SATB2: variants seen among roughly 807,000 people sequenced by gnomAD.
SATB2 encodes SATB homeobox 2.
Under a neutral mutation model 73.4 loss-of-function variants are expected in SATB2, and 1 was observed. The ratio of observed to expected loss-of-function variants is 0.01; its 90% confidence interval spans 0.00 to 0.06. SATB2 has a LOEUF of 0.06. SATB2 is among the 10% of genes least tolerant of loss of function. SATB2 has a pLI of 1.00. For missense variants in SATB2, 459 were observed against 945.8 expected, an observed-to-expected ratio of 0.49 and a Z score of 6.75; for synonymous variants, 397 against 367.0, an observed-to-expected ratio of 1.08 and a Z score of -0.93.
intron 4 of SATB2, among the ~76,000 whole-genome samples, chr2:199,380,761 A>G (rs1220856643): frequency 1.3e-5 from 2 of 152,190 alleles, no homozygotes; most frequent in African/African-American, 4.8e-5. Flanking sequence ...GATTTTTCCA[A>G]TGTGCTGGTG....
At chr2:199,447,562 T>G (rs1322505256) in intron 2 of SATB2, among the ~76,000 whole-genome samples, 1 of 152,000 alleles carries the variant, frequency 6.6e-6, no homozygotes, top group Non-Finnish European at 1.5e-5. Flanking sequence ...CTGACTTCCA[T>G]TTACAGAGAC....
At chr2:199,377,644 C>A (rs141964340) in intron 5 of SATB2, among the ~76,000 whole-genome samples, 29 of 152,190 alleles carry the variant, frequency 1.9e-4, no homozygotes, top group African/African-American at 6.0e-4. Flanking sequence ...ACAGTGTCAT[C>A]TTGATGGTCT....
At chr2:199,389,148 C>A (rs905606634) in intron 3 of SATB2, among the ~76,000 whole-genome samples, 1 of 151,852 alleles carries the variant, frequency 6.6e-6, no homozygotes, top group Admixed American at 6.6e-5. Context: ...GTTATTATTG[C>A]TAAAGCTGTG....
chr2:199,282,372 A>T (rs78962861), intron 10 of SATB2, among the ~76,000 whole-genome samples: 1 of 152,194 alleles, frequency 6.6e-6, no homozygotes, highest in South Asian at 2.1e-4. Flanking sequence ...GTAAAAAAAA[A>T]TTCCTAGGGC....
intron 10 of SATB2, among the ~76,000 whole-genome samples, chr2:199,284,172 C>A (rs1347145562): frequency 6.6e-6 from 1 of 152,142 alleles, no homozygotes; most frequent in Non-Finnish European, 1.5e-5. Context: ...CAATACTTAA[C>A]TTTTTTGATA....
chr2:199,456,205 C>A (rs1036890916), intron 1 of SATB2, 109 bp from the exon 2 acceptor site: 1 of 721,214 alleles, frequency 1.4e-6, no homozygotes, highest in Non-Finnish European at 2.3e-6. Context: ...CACAGCCACA[C>A]AAACTTCCTC....
exon 1 of SATB2, chr2:199,465,009 G>C (rs1047331129): frequency 6.6e-6 from 1 of 152,232 alleles, no homozygotes; most frequent in African/African-American, 2.4e-5. Flanking sequence ...GAAATTTTAC[G>C]AGGGGAACTT....
In SATB2 at chr2:199,272,149, T is replaced by C; in HGVS notation, c.*62A>G. On this transcript the variant is annotated 3_prime_UTR_variant, in exon 11 of 11. Transcript: ENST00000417098. The surrounding 1 kb of genome is among the most constrained non-coding windows in gnomAD (Gnocchi z 6.7). Reference sequence around the variant, plus strand: ...AAAAAACAAACTAACAAAAAACTTTTAAAGAAATGAAAGCAGAAAATCCTT... The same window carrying C: ...AAAAAACAAACTAACAAAAAACTTTCAAAGAAATGAAAGCAGAAAATCCTT... The C allele has an allele frequency of 6.6e-7, 1 of 1,522,410 alleles. No individual in the cohort carries two copies. 94.3% of individuals were successfully genotyped at this position (1,522,410 alleles called of 1,614,324 possible).
At chr2:199,400,694 G>C (rs1690445145) in intron 3 of SATB2, among the ~76,000 whole-genome samples, 1 of 152,196 alleles carries the variant, frequency 6.6e-6, no homozygotes, top group African/African-American at 2.4e-5. Flanking sequence ...ACAAACCAAT[G>C]AGGTAGGTGT....
At chr2:199,304,987 G>A (rs1053943773) in intron 10 of SATB2, among the ~76,000 whole-genome samples, 1 of 152,000 alleles carries the variant, frequency 6.6e-6, no homozygotes, top group African/African-American at 2.4e-5. Context: ...ATGCACTTAA[G>A]CATGCAAAAA....
chr2:199,396,362 G>A (rs1320732982), intron 3 of SATB2: 1 of 152,034 alleles, frequency 6.6e-6, no homozygotes, highest in Non-Finnish European at 1.5e-5. Context: ...AATGGCTATT[G>A]GAATTATCCA....
At chr2:199,338,610 T>C (rs1688408461) in intron 7 of SATB2, among the ~76,000 whole-genome samples, 1 of 151,718 alleles carries the variant, frequency 6.6e-6, no homozygotes, top group Admixed American at 6.6e-5. Context: ...ACTTTGCACA[T>C]TGGTCAGGGA....
At chr2:199,342,620 C>G (rs1333566496) in intron 7 of SATB2, among the ~76,000 whole-genome samples, 1 of 152,012 alleles carries the variant, frequency 6.6e-6, no homozygotes, top group East Asian at 1.9e-4. Flanking sequence ...GTATCCCTAC[C>G]CCAGAACAAG....
At chr2:199,326,837 G>T (rs1688042040) in intron 8 of SATB2, among the ~76,000 whole-genome samples, 1 of 151,878 alleles carries the variant, frequency 6.6e-6, no homozygotes, top group Admixed American at 6.6e-5. Context: ...ACTTATTTTT[G>T]GTTCAAACAG....
chr2:199,344,622 A>C (rs1394289870), intron 7 of SATB2, among the ~76,000 whole-genome samples: 1 of 152,202 alleles, frequency 6.6e-6, no homozygotes, highest in East Asian at 1.9e-4. Flanking sequence ...AACCTCAAAC[A>C]GTCCCACTGT....
intron 6 of SATB2, among the ~76,000 whole-genome samples, chr2:199,365,890 T>G (rs997448337): frequency 6.6e-6 from 1 of 152,102 alleles, no homozygotes; most frequent in African/African-American, 2.4e-5. Context: ...TTTATTTCTA[T>G]GAGAAGAGAA....
intron 10 of SATB2, among the ~76,000 whole-genome samples, chr2:199,284,989 G>A (rs556832756): frequency 6.6e-6 from 1 of 152,174 alleles, no homozygotes; most frequent in African/African-American, 2.4e-5. Context: ...TAAGGGGCTT[G>A]AGCATCCATG....
upstream of SATB2, chr2:199,458,760 C>T (rs1478185904): frequency 4.9e-6 from 2 of 410,698 alleles, no homozygotes; most frequent in Admixed American, 2.6e-5. Flanking sequence ...CCCCACCCAC[C>T]GCCTCCGCCC....
chr2:199,310,146 G>A (rs1247361010), intron 9 of SATB2, among the ~76,000 whole-genome samples: 1 of 152,140 alleles, frequency 6.6e-6, no homozygotes, highest in Non-Finnish European at 1.5e-5. Context: ...TCCTTCAACT[G>A]CCGGCTGCAG....
Sources: allele counts gnomAD v4.1 joint callset (sites outside exome capture counted in the v4.1 genomes callset), GRCh38; gene constraint gnomAD v4.1.1; non-coding constraint Gnocchi (gnomAD v3.1); transcripts MANE v1.5; gene names NCBI Gene and HGNC (gene_info 2026-07-23, HGNC 2026-07-21).